PREX1: variants seen among roughly 807,000 people sequenced by gnomAD.
PREX1 encodes the protein phosphatidylinositol 3,4,5-trisphosphate-dependent Rac exchanger 1 protein.
A neutral mutation model predicts 198.3 loss-of-function variants in PREX1; 41 were observed. The observed-to-expected ratio is 0.21, with a 90% CI of 0.16 to 0.27. PREX1 has a LOEUF of 0.27. Among genes scored for constraint, PREX1 ranks in the 10% least tolerant of loss-of-function variants. The pLI, the probability that PREX1 is intolerant of heterozygous loss-of-function variation, is 1.00. For missense variants in PREX1, 1,620 were observed against 2,200.7 expected, an observed-to-expected ratio of 0.74 and a Z score of 5.28; for synonymous variants, 843 against 887.2, an observed-to-expected ratio of 0.95 and a Z score of 0.89.
At chr20:48,724,251 CCTTT>C (rs149076742) in intron 5 of PREX1, among the ~76,000 whole-genome samples, 11,049 of 152,168 alleles carry the variant, frequency 0.073, 457 homozygotes, top group Admixed American at 0.14. Context: ...AAGGCCACTT[CCTTT>C]CTCTGTGCCT....
At chr20:48,748,345 T>C (rs1298821087) in intron 1 of PREX1, among the ~76,000 whole-genome samples, 1 of 151,846 alleles carries the variant, frequency 6.6e-6, no homozygotes, top group Admixed American at 6.6e-5. Context: ...ACAGAGAAAG[T>C]CTCTCTCCTT....
intron 30 of PREX1, among the ~76,000 whole-genome samples, chr20:48,639,249 G>T (rs139559654): frequency 6.6e-6 from 1 of 152,336 alleles, no homozygotes; most frequent in African/African-American, 2.4e-5. Flanking sequence ...ACTGGGCCTA[G>T]AGTCACCAGA....
chr20:48,646,559 C>T (rs1420406716), intron 25 of PREX1, among the ~76,000 whole-genome samples: 1 of 151,410 alleles, frequency 6.6e-6, no homozygotes, highest in Non-Finnish European at 1.5e-5. Flanking sequence ...GGTGTGGTGG[C>T]GGGTGCCTGT....
intron 1 of PREX1, among the ~76,000 whole-genome samples, chr20:48,757,298 G>A (rs1244784154): frequency 1.3e-5 from 2 of 152,188 alleles, no homozygotes; most frequent in African/African-American, 4.8e-5. Flanking sequence ...CCCCTACAAA[G>A]TCAGTCCCAG....
rs182818882 is a variant in PREX1 at position 48,646,560 on chromosome 20, G to A, written c.3306-503C>T. On this transcript the variant is annotated intron_variant, in intron 25 of 39. Coordinates refer to ENST00000371941, the MANE Select transcript of PREX1 (RefSeq NM_020820.4). ...ACAAAAATTAACTGGGTGTGGTGGC[G>A]GGTGCCTGTAATCCCAGCTACTCGG... 3.8e-3 allele frequency among the ~76,000 whole-genome samples: 574 copies of A among 151,992 alleles called. 6 individuals carry two copies. Among genetic ancestry groups the A allele is most frequent in the African/African-American group, 0.013 (530 of 41,434 alleles).
intron 1 of PREX1, among the ~76,000 whole-genome samples, chr20:48,756,594 T>C (rs2122820452): frequency 6.6e-6 from 1 of 152,334 alleles, no homozygotes; most frequent in South Asian, 2.1e-4. Flanking sequence ...TGCTTTGAAT[T>C]GTATCTTTAA....
At chr20:48,628,494 G>T (rs918649349) in intron 37 of PREX1, among the ~76,000 whole-genome samples, 1 of 152,156 alleles carries the variant, frequency 6.6e-6, no homozygotes, top group East Asian at 1.9e-4. Context: ...TATGAAACAG[G>T]GAGCATGGTG....
the PREX1 span, among the ~76,000 whole-genome samples, chr20:48,847,186 G>T: frequency 6.6e-6 from 1 of 152,052 alleles, no homozygotes; most frequent in African/African-American, 2.4e-5. Flanking sequence ...TAGGCTCTCA[G>T]AGAATAGGAA....
At chr20:48,739,773 G>C (rs1446220256) in intron 3 of PREX1, among the ~76,000 whole-genome samples, 1 of 152,186 alleles carries the variant, frequency 6.6e-6, no homozygotes, top group Non-Finnish European at 1.5e-5. Context: ...CAGCCTGACT[G>C]TGTCAGCTCA....
intron 1 of PREX1, among the ~76,000 whole-genome samples, chr20:48,788,888 T>C (rs2090324792): frequency 6.6e-6 from 1 of 152,196 alleles, no homozygotes; most frequent in South Asian, 2.1e-4. Flanking sequence ...GGCGTGTTAG[T>C]GTGCTCAGCC....
chr20:48,657,536 C>T (rs921841703), intron 17 of PREX1, among the ~76,000 whole-genome samples: 1 of 152,196 alleles, frequency 6.6e-6, no homozygotes, highest in Non-Finnish European at 1.5e-5. Context: ...CCTGCTGACC[C>T]GAACCAAGAT....
chr20:48,675,115 T>A (rs2089699335), intron 14 of PREX1, among the ~76,000 whole-genome samples: 1 of 152,200 alleles, frequency 6.6e-6, no homozygotes, highest in Admixed American at 6.5e-5. Flanking sequence ...TGAAATGTGA[T>A]CCCCAATGCA....
At chr20:48,667,647 C>T (rs2089648509) in intron 14 of PREX1, among the ~76,000 whole-genome samples, 1 of 152,214 alleles carries the variant, frequency 6.6e-6, no homozygotes, top group Non-Finnish European at 1.5e-5. Flanking sequence ...CAAACTGATA[C>T]AATTTGAACC....
chr20:48,853,716 G>A, the PREX1 span, among the ~76,000 whole-genome samples: 3 of 152,086 alleles, frequency 2.0e-5, no homozygotes, highest in African/African-American at 7.2e-5. Flanking sequence ...ACACCTTTAA[G>A]GACAGTCAAT....
At chr20:48,668,558 C>T (rs188336481) in intron 14 of PREX1, among the ~76,000 whole-genome samples, 5 of 152,346 alleles carry the variant, frequency 3.3e-5, no homozygotes, top group South Asian at 2.1e-4. Context: ...TGTACCCTCC[C>T]GTCCACAGCC....
intron 1 of PREX1, among the ~76,000 whole-genome samples, chr20:48,760,442 A>G (rs1302990634): frequency 6.6e-6 from 1 of 151,682 alleles, no homozygotes; most frequent in Non-Finnish European, 1.5e-5. Flanking sequence ...CCACCAGCGC[A>G]CCCCTCTGCC....
intron 5 of PREX1, among the ~76,000 whole-genome samples, chr20:48,718,830 T>A (rs146440468): frequency 1.1e-4 from 16 of 152,334 alleles, no homozygotes; most frequent in African/African-American, 3.4e-4. Flanking sequence ...TTCATCTTTA[T>A]AATAACCAAT....
In PREX1 at chr20:48,785,090, A is replaced by G. The variant is rs140104784; in HGVS notation, c.220-37210T>C. 2.9e-3 allele frequency among the ~76,000 whole-genome samples: 446 copies of G among 151,872 alleles called. 3 individuals are homozygous for G. Among genetic ancestry groups the G allele is most frequent in the African/African-American group, 0.01 (433 of 41,420 alleles). On this transcript the variant is annotated intron_variant, in intron 1 of 39. Coordinates refer to ENST00000371941, the MANE Select transcript of PREX1 (RefSeq NM_020820.4). ...CACCACACCCACCTAATTTCTGTAT[A>G]TTTAGTAGAGATGGGGTTTCACCAT...
chr20:48,768,392 T>C (rs368119851), intron 1 of PREX1, among the ~76,000 whole-genome samples: 4 of 152,130 alleles, frequency 2.6e-5, no homozygotes, highest in African/African-American at 7.2e-5. Context: ...CTCAAAAACA[T>C]GGCCCAAGCG....
Sources: allele counts gnomAD v4.1 joint callset (sites outside exome capture counted in the v4.1 genomes callset), GRCh38; gene constraint gnomAD v4.1.1; transcripts MANE v1.5; gene names NCBI Gene and HGNC (gene_info 2026-07-23, HGNC 2026-07-21).